The following HMBOX1 variants were observed in gnomAD, a reference collection of about 807,000 sequenced individuals.
HMBOX1 encodes the protein homeobox-containing protein 1.
HMBOX1 carries 14 observed loss-of-function variants against 54.5 expected under a neutral mutation model. The observed-to-expected ratio is 0.26, with a 90% confidence interval of 0.17 to 0.40. The LOEUF (loss-of-function observed/expected upper bound fraction) is 0.40. HMBOX1 is among the 10% of genes least tolerant of loss of function. HMBOX1 has a pLI of 1.00. For synonymous variants in HMBOX1, 160 were observed against 181.0 expected, an observed-to-expected ratio of 0.88 and a Z score of 0.93; for missense variants, 332 against 514.4, an observed-to-expected ratio of 0.65 and a Z score of 3.43.
At chr8:29,037,341 T>G (rs1465235767) in intron 6 of HMBOX1, among the ~76,000 whole-genome samples, 1 of 152,216 alleles carries the variant, frequency 6.6e-6, no homozygotes, top group Non-Finnish European at 1.5e-5. Flanking sequence ...AGGCTAAAGT[T>G]TATTATTTAA....
At chr8:28,898,528 G>A (rs1225323130) in intron 1 of HMBOX1, among the ~76,000 whole-genome samples, 1 of 152,220 alleles carries the variant, frequency 6.6e-6, no homozygotes, top group African/African-American at 2.4e-5. Context: ...GACCTTGTGT[G>A]AATGGGAGAA....
At chr8:29,005,648 A>G (rs1449357914) in intron 4 of HMBOX1, among the ~76,000 whole-genome samples, 1 of 152,176 alleles carries the variant, frequency 6.6e-6, no homozygotes, top group Non-Finnish European at 1.5e-5. Context: ...TAGGACACCC[A>G]TATAACCACC....
intron 1 of HMBOX1, among the ~76,000 whole-genome samples, chr8:28,926,304 T>TATATACAC (rs796953426): frequency 1.2e-4 from 17 of 142,216 alleles, no homozygotes; most frequent in African/African-American, 3.4e-4. Flanking sequence ...TATATATATA[T>TATATACAC]ACACACACAC....
intron 5 of HMBOX1, chr8:29,009,634 T>G (rs1442672717): frequency 1.6e-6 from 2 of 1,247,186 alleles, no homozygotes; most frequent in Admixed American, 6.0e-5. Flanking sequence ...AATGATTTTT[T>G]TTTTTCTAAT....
intron 5 of HMBOX1, chr8:29,009,497 A>G (rs1430683826): frequency 1.1e-6 from 1 of 937,846 alleles, no homozygotes; most frequent in African/African-American, 1.8e-5. Context: ...TTCTTCAACT[A>G]CATAACTACG....
intron 1 of HMBOX1, among the ~76,000 whole-genome samples, chr8:28,924,931 T>C (rs1442445242): frequency 1.0e-4 from 15 of 150,636 alleles, no homozygotes; most frequent in South Asian, 2.1e-4. Context: ...TTTTTTTTTT[T>C]CTAATAGTTG....
Position 28,929,256 on chromosome 8 carries a change from C to G in HMBOX1, c.-57-34555C>G, listed in dbSNP as rs112203153. The stretch of plus-strand genomic sequence containing the variant: ...TGTATCAAGTTTTAAGGAAATTAAT[C>G]TTCATCGTAAGAGCAGTGAAAGCAT... On this transcript the variant is annotated intron_variant, in intron 1 of 9. Transcript: ENST00000287701. Among the ~76,000 whole-genome samples, 423 of 152,234 alleles carry G rather than the reference C, an allele frequency of 2.8e-3. 4 individuals are homozygous for G. The highest frequency in any genetic ancestry group is 9.3e-3 in the African/African-American group (388 of 41,532).
intron 6 of HMBOX1, among the ~76,000 whole-genome samples, chr8:29,026,374 G>A (rs900403370): frequency 1.5e-4 from 23 of 152,078 alleles, no homozygotes; most frequent in Admixed American, 1.4e-3. Flanking sequence ...GGTGTTGGGT[G>A]GGGGATGTGA....
At chr8:28,908,629 C>T (rs1024024972) in intron 1 of HMBOX1, among the ~76,000 whole-genome samples, 7 of 152,060 alleles carry the variant, frequency 4.6e-5, no homozygotes, top group African/African-American at 1.7e-4. Flanking sequence ...GTGGCGCATG[C>T]CTGTAATCCC....
chr8:28,902,320 A>C (rs1201543434), intron 1 of HMBOX1, among the ~76,000 whole-genome samples: 1 of 152,126 alleles, frequency 6.6e-6, no homozygotes, highest in Non-Finnish European at 1.5e-5. Context: ...TGGATCAGAG[A>C]AATGACATTC....
At chr8:28,919,008 C>T (rs1007457163) in intron 1 of HMBOX1, among the ~76,000 whole-genome samples, 3 of 152,108 alleles carry the variant, frequency 2.0e-5, no homozygotes, top group Admixed American at 6.5e-5. Flanking sequence ...AATTAGAAAA[C>T]AGGGAAGTTC....
rs1327394203 is a variant in HMBOX1, at chr8:28,970,049, G to T, written c.30G>T (p.Leu10=). 2.5e-6 allele frequency: 4 copies of T among 1,591,570 alleles called. No individual in the cohort carries two copies. The highest frequency in any genetic ancestry group is 3.5e-5 in the Admixed American group (2 of 57,824). Residue 10 remains leucine, a synonymous_variant, in exon 3 of 10, where the codon CTG becomes CTT. Coordinates refer to ENST00000287701, the MANE Select transcript of HMBOX1 (RefSeq NM_001135726.3). This position sits in a 1 kb window ranked among gnomAD's most constrained non-coding sequence, Gnocchi z 4.3. MLSSFPVVL[L]ETMSHYTDEP... ...TTTATCTCTTTTTTTTTAGTTTGCT[G>T]GAAACCATGTCTCATTATACAGATG...
chr8:28,899,261 G>C (rs531810048), intron 1 of HMBOX1, among the ~76,000 whole-genome samples: 121 of 152,264 alleles, frequency 7.9e-4, no homozygotes, highest in African/African-American at 2.9e-3. Flanking sequence ...GTATCTAGAA[G>C]CCATTGTATC....
chr8:28,929,775 C>T (rs1015392638), intron 1 of HMBOX1, among the ~76,000 whole-genome samples: 16 of 152,122 alleles, frequency 1.1e-4, no homozygotes, highest in African/African-American at 3.9e-4. Flanking sequence ...GAGGCCCACT[C>T]TTGACTATTT....
intron 4 of HMBOX1, among the ~76,000 whole-genome samples, chr8:29,008,479 A>G (rs946975954): frequency 6.6e-6 from 1 of 152,200 alleles, no homozygotes. Context: ...TGTAGCATAC[A>G]TAACTCTAAA....
At chr8:28,966,053 G>C (rs1586148450) in intron 2 of HMBOX1, among the ~76,000 whole-genome samples, 1 of 151,902 alleles carries the variant, frequency 6.6e-6, no homozygotes, top group South Asian at 2.1e-4. Context: ...TTTACTGTTG[G>C]TGCTTTACAA....
intron 1 of HMBOX1, among the ~76,000 whole-genome samples, chr8:28,895,915 G>A (rs1443419076): frequency 1.8e-4 from 28 of 151,844 alleles, no homozygotes; most frequent in Admixed American, 1.8e-3. Context: ...TTTTTCATTA[G>A]TCATTCTAAG....
At chr8:29,003,925 T>G (rs1833054779) in intron 4 of HMBOX1, among the ~76,000 whole-genome samples, 1 of 152,078 alleles carries the variant, frequency 6.6e-6, no homozygotes, top group Non-Finnish European at 1.5e-5. Flanking sequence ...TCTTAAATGG[T>G]TTGTTATTTT....
At position 29,052,462 on chromosome 8, in the gene HMBOX1, CTAAT is replaced by C. The variant is rs1387820351; in HGVS notation, c.*1308_*1311del. ...TTTAATCTACTTTAAGCGGCAGTAACTAATGGAATTTTTTTCCTTGATCACATAT... is the reference window on the plus strand; with the variant it reads ...TTTAATCTACTTTAAGCGGCAGTAACGGAATTTTTTTCCTTGATCACATAT... On this transcript the variant is annotated 3_prime_UTR_variant, in exon 10 of 10. Transcript: ENST00000287701. The C allele has an allele frequency of 2.0e-5, 3 of 152,198 alleles. No individual in the cohort carries two copies. The highest frequency in any genetic ancestry group is 7.2e-5 in the African/African-American group (3 of 41,442). 9.4% of individuals were successfully genotyped at this position (152,198 alleles called of 1,614,324 possible). A position where few individuals can be genotyped will look rare whatever the true frequency, so the allele number is the denominator to read the frequency against.
Sources: gnomAD v4.1 joint callset for allele counts (sites outside exome capture counted in the v4.1 genomes callset) on GRCh38, gnomAD v4.1.1 for gene constraint, Gnocchi (gnomAD v3.1) non-coding constraint, MANE v1.5 for transcripts, NCBI Gene and HGNC (gene_info 2026-07-23, HGNC 2026-07-21) for gene names.